FARP1: variants seen among roughly 807,000 people sequenced by gnomAD.
FARP1 encodes the protein FERM, ARHGEF and pleckstrin domain-containing protein 1.
A neutral mutation model predicts 128.8 loss-of-function variants in FARP1; 52 were observed. The observed-to-expected ratio is 0.40, with a 90% CI of 0.32 to 0.51. The LOEUF is 0.51. Among genes scored for constraint, FARP1 ranks in the 20% least tolerant of loss-of-function variants. The pLI is 0.45. For synonymous variants in FARP1, 580 were observed against 551.8 expected, an observed-to-expected ratio of 1.05 and a Z score of -0.72; for missense variants, 1,333 against 1,367.9, an observed-to-expected ratio of 0.97 and a Z score of 0.40.
chr13:98,277,596 G>A (rs1431215758), intron 2 of FARP1, among the ~76,000 whole-genome samples: 1 of 152,214 alleles, frequency 6.6e-6, no homozygotes, highest in African/African-American at 2.4e-5. Context: ...GGAAAGGGGT[G>A]AGGCCTTCTG....
In FARP1 at chr13:98,336,805, C is replaced by T. The variant is rs184121126; in HGVS notation, c.172-6957C>T. ...CATGGAGCCAGCCAACTGGTTGGTGCGCTAGATTAAAATTCAACTGCCTTT... is the reference window on the plus strand; with the variant it reads ...CATGGAGCCAGCCAACTGGTTGGTGTGCTAGATTAAAATTCAACTGCCTTT... On this transcript the variant is annotated intron_variant, in intron 2 of 26. Coordinates refer to ENST00000319562, the MANE Select transcript of FARP1 (RefSeq NM_005766.4). Among the ~76,000 whole-genome samples, 85 of 152,256 alleles carry T rather than the reference C, an allele frequency of 5.6e-4. 3 individuals carry two copies. In the East Asian group the frequency reaches 0.013, roughly 24 times the overall value.
chr13:98,205,440 T>A (rs1880209384), intron 1 of FARP1, among the ~76,000 whole-genome samples: 1 of 152,146 alleles, frequency 6.6e-6, no homozygotes, highest in Non-Finnish European at 1.5e-5. Flanking sequence ...TCACCCAGGC[T>A]GGAGTACAGT....
intron 13 of FARP1, chr13:98,407,445 T>C (rs1283788847): frequency 6.6e-6 from 1 of 152,208 alleles, no homozygotes; most frequent in Non-Finnish European, 1.5e-5. Context: ...TTTGCAATTA[T>C]TGTATTTAGT....
intron 2 of FARP1, chr13:98,329,468 C>A (rs554005878): frequency 2.6e-5 from 4 of 152,348 alleles, no homozygotes; most frequent in African/African-American, 9.6e-5. Flanking sequence ...TCAAGACCAG[C>A]CTGATCAACA....
At chr13:98,244,908 A>T in intron 2 of FARP1, 1 of 1,400,550 alleles carries the variant, frequency 7.1e-7, no homozygotes, top group Non-Finnish European at 9.3e-7. Context: ...ACGGGTCTCC[A>T]GGAGGCTTGG....
chr13:98,415,383 T>G (rs7984221), intron 16 of FARP1, among the ~76,000 whole-genome samples: 20,645 of 152,196 alleles, frequency 0.14, 2,141 homozygotes, highest in East Asian at 0.31. Context: ...TGCCATAGAC[T>G]GGTTATAACT....
intron 21 of FARP1, 53 bp downstream of exon 21, chr13:98,439,249 C>G: frequency 7.7e-7 from 1 of 1,297,066 alleles, no homozygotes; most frequent in Non-Finnish European, 1.1e-6. Flanking sequence ...GCAGCAGGTG[C>G]GGGCGCTGCT....
At chr13:98,405,927 G>A (rs1287566822) in intron 13 of FARP1, 1 of 152,224 alleles carries the variant, frequency 6.6e-6, no homozygotes, top group African/African-American at 2.4e-5. Context: ...AGACTGCAAG[G>A]TGTAAACAAG....
intron 1 of FARP1, among the ~76,000 whole-genome samples, chr13:98,144,036 C>T (rs1313017701): frequency 6.6e-6 from 1 of 152,146 alleles, no homozygotes; most frequent in Non-Finnish European, 1.5e-5. Context: ...TTGTGTCTCT[C>T]TTTACTGTCT....
intron 2 of FARP1, among the ~76,000 whole-genome samples, chr13:98,223,622 G>A (rs1881567081): frequency 6.6e-6 from 1 of 152,186 alleles, no homozygotes; most frequent in Non-Finnish European, 1.5e-5. Flanking sequence ...CACAGCGCCT[G>A]GCCATAGAAG....
intron 16 of FARP1, among the ~76,000 whole-genome samples, chr13:98,416,900 G>T (rs1171819285): frequency 4.6e-5 from 7 of 152,216 alleles, no homozygotes. Flanking sequence ...ATTGGCTATG[G>T]GGTGCACGCA....
In FARP1 at chr13:98,154,401, T is replaced by C. The variant is rs183657761; in HGVS notation, c.-24+10909T>C. On this transcript the variant is annotated intron_variant, in intron 1 of 26. Coordinates refer to ENST00000319562, the MANE Select transcript of FARP1 (RefSeq NM_005766.4). ...ATATATTTTTTTAACCAAAAAAATA[T>C]AGAGAAAAACATCTTTAAGAAGGGC... is the stretch of plus-strand genomic sequence containing the variant. Among the ~76,000 whole-genome samples the C allele has an allele frequency of 3.9e-5, 6 of 152,290 alleles. No individual in the cohort carries two copies. The East Asian group carries it at 1.2e-3, about 29-fold the overall frequency.
intron 1 of FARP1, among the ~76,000 whole-genome samples, chr13:98,181,175 TTTAGG>T (rs755004384): frequency 1.3e-5 from 2 of 152,174 alleles, no homozygotes; most frequent in Non-Finnish European, 2.9e-5. Flanking sequence ...TCCCTGCTGG[TTTAGG>T]TCCACACATG....
chr13:98,358,142 GT>G (rs995701077), intron 3 of FARP1, among the ~76,000 whole-genome samples: 1 of 150,090 alleles, frequency 6.7e-6, no homozygotes, highest in Non-Finnish European at 1.5e-5. Flanking sequence ...GCTCTCCTAA[GT>G]TTTTTTTGGG....
chr13:98,443,632 G>A (rs1404222935), intron 24 of FARP1, among the ~76,000 whole-genome samples: 1 of 152,182 alleles, frequency 6.6e-6, no homozygotes, highest in Non-Finnish European at 1.5e-5. Context: ...GGCCTCACTG[G>A]CCTCTGCTAA....
At chr13:98,282,186 T>G (rs1884968079) in intron 2 of FARP1, among the ~76,000 whole-genome samples, 1 of 151,992 alleles carries the variant, frequency 6.6e-6, no homozygotes, top group Admixed American at 6.6e-5. Flanking sequence ...TGCCTGTGGT[T>G]CCAGTTACTT....
In FARP1 at chr13:98,453,318, C is replaced by T; in HGVS notation, c.*5001C>T. On this transcript the variant is annotated 3_prime_UTR_variant, in exon 27 of 27. Coordinates refer to ENST00000319562, the MANE Select transcript of FARP1 (RefSeq NM_005766.4). ...TTTTCATAAGAAATTCCAAGTCATA[C>T]AAAAATAAGTGGAGCAAATATCAAT... 8.8e-7 allele frequency: 1 copy of T among 1,137,638 alleles called. No individual in the cohort carries two copies. Among genetic ancestry groups the T allele is most frequent in the Middle Eastern group, 2.0e-4 (1 of 4,996 alleles). 70.5% of individuals were successfully genotyped at this position (1,137,638 alleles called of 1,614,324 possible).
rs529608599 is a variant in FARP1, at chr13:98,454,509, A to T, written c.*6192A>T. ...TTACATAAGGTCCTCCCAAAAGCAC[A>T]CATTAGCCACGGAGCCTAAGACTCA... On this transcript the variant is annotated 3_prime_UTR_variant, in exon 27 of 27. Coordinates refer to ENST00000319562, the MANE Select transcript of FARP1 (RefSeq NM_005766.4). 6.6e-6 allele frequency: 1 copy of T among 152,360 alleles called. No homozygotes were observed. Among genetic ancestry groups the T allele is most frequent in the African/African-American group, 2.4e-5 (1 of 41,570 alleles). 9.4% of individuals were successfully genotyped at this position (152,360 alleles called of 1,614,324 possible).
intron 1 of FARP1, among the ~76,000 whole-genome samples, chr13:98,184,636 G>A (rs1878740906): frequency 6.6e-6 from 1 of 152,154 alleles, no homozygotes. Flanking sequence ...CGATTGCCTG[G>A]ATTCCTAATG....
Sources: allele counts gnomAD v4.1 joint callset (sites outside exome capture counted in the v4.1 genomes callset), GRCh38; gene constraint gnomAD v4.1.1; transcripts MANE v1.5; gene names NCBI Gene and HGNC (gene_info 2026-07-23, HGNC 2026-07-21).